SNCAIP: variants seen among roughly 807,000 people sequenced by gnomAD.
The protein encoded by SNCAIP is synphilin-1.
In SNCAIP, 43 loss-of-function variants were observed where a neutral mutation model predicts 86.7. That is an observed-to-expected ratio of 0.50 (90% confidence interval 0.39 to 0.64). The LOEUF (loss-of-function observed/expected upper bound fraction) is 0.64, where lower values mean the gene tolerates loss of function less well. Ranked by LOEUF, SNCAIP falls within the 30% of genes least tolerant of loss-of-function variation. The probability of loss-of-function intolerance (pLI) is 0.00; values close to 1 mark genes in which losing one functional copy is unlikely to be tolerated. For synonymous variants in SNCAIP, 417 were observed against 427.2 expected, an observed-to-expected ratio of 0.98 and a Z score of 0.29; for missense variants, 981 against 1,103.1, an observed-to-expected ratio of 0.89 and a Z score of 1.57.
intron 1 of SNCAIP, among the ~76,000 whole-genome samples, chr5:122,351,561 AAAAAAGAAC>A (rs1429911648): frequency 6.7e-6 from 1 of 149,662 alleles, no homozygotes; most frequent in Non-Finnish European, 1.5e-5. Context: ...AAAAAAAAAA[AAAAAAGAAC>A]TAATTAAAGA....
At chr5:122,409,557 T>C (rs1773700331) in intron 3 of SNCAIP, among the ~76,000 whole-genome samples, 1 of 152,220 alleles carries the variant, frequency 6.6e-6, no homozygotes, top group South Asian at 2.1e-4. Context: ...CTAAATAATA[T>C]AAAGTGTTAC....
chr5:122,359,224 C>T (rs950261787), intron 1 of SNCAIP, among the ~76,000 whole-genome samples: 5 of 151,804 alleles, frequency 3.3e-5, no homozygotes, highest in African/African-American at 1.2e-4. Flanking sequence ...AAATCATGTT[C>T]TGAAGTGTAG....
Position 122,450,846 on chromosome 5 carries a change from C to G in SNCAIP, c.1999C>G (p.Leu667Val), listed in dbSNP as rs1451402171. 6.2e-7 allele frequency: 1 copy of G among 1,614,106 alleles called. No homozygotes were observed. Among genetic ancestry groups the G allele is most frequent in the Admixed American group, 1.7e-5 (1 of 60,026 alleles). ...GAAGAGGGAACTGAAGTTAGCCAGG[C>G]TGAGACAGCTGATGCAGAGGTCACT... The part of the protein sequence containing the change: ...LEKRELKLAR[L>V]RQLMQRSLSE... Residue 667 changes from leucine (L) to valine (V), a missense_variant, in exon 10 of 11, where the codon CTG becomes GTG. By Grantham distance (32) the Leu-to-Val change is conservative (BLOSUM62 1). Coordinates refer to ENST00000261368, the MANE Select transcript of SNCAIP (RefSeq NM_005460.4).
At chr5:122,313,972 C>T (rs1220502255) in intron 1 of SNCAIP, among the ~76,000 whole-genome samples, 5 of 152,122 alleles carry the variant, frequency 3.3e-5, no homozygotes, top group African/African-American at 4.8e-5. Flanking sequence ...TCATTTTCTC[C>T]GTAGCAAGCA....
intron 1 of SNCAIP, among the ~76,000 whole-genome samples, chr5:122,335,800 G>A (rs574080975): frequency 8.5e-5 from 13 of 152,308 alleles, no homozygotes; most frequent in African/African-American, 3.1e-4. Context: ...ATGCCATCCA[G>A]TTATTGAATG....
chr5:122,441,196 TA>T (rs1402981915), intron 7 of SNCAIP: 1 of 191,070 alleles, frequency 5.2e-6, no homozygotes, highest in Non-Finnish European at 1.1e-5. Context: ...ATTCTTTGTG[TA>T]GGGAGTTGTA....
chr5:122,451,617 AGAATATTC>A lies in SNCAIP; in HGVS notation c.2754+17_2754+24del. On this transcript the variant is annotated intron_variant, in intron 10 of 10. Transcript: ENST00000261368. ...GAATAAGGCAGTAAGTGCTATTTGGAGAATATTCTTTTTTTTCCTTCAAATGGATTATG... is the reference window on the plus strand; with the variant it reads ...GAATAAGGCAGTAAGTGCTATTTGGATTTTTTTTCCTTCAAATGGATTATG... 1 of 1,524,242 alleles carries A rather than the reference AGAATATTC, an allele frequency of 6.6e-7. No homozygotes were observed. The highest frequency in any genetic ancestry group is 9.1e-7 in the Non-Finnish European group (1 of 1,098,508). The allele number at this position is 1,524,242 out of a possible 1,614,324, so 94.4% of individuals were successfully genotyped here.
intron 6 of SNCAIP, among the ~76,000 whole-genome samples, chr5:122,434,019 T>C (rs1778915773): frequency 6.6e-6 from 1 of 152,138 alleles, no homozygotes; most frequent in African/African-American, 2.4e-5. Flanking sequence ...ATTTTCAACT[T>C]AGGATGGGTT....
chr5:122,424,017 C>A (rs1776902244), intron 4 of SNCAIP, among the ~76,000 whole-genome samples: 1 of 152,182 alleles, frequency 6.6e-6, no homozygotes, highest in Non-Finnish European at 1.5e-5. Context: ...CCGGCACTTT[C>A]TTTAACTTGA....
intron 2 of SNCAIP, among the ~76,000 whole-genome samples, chr5:122,398,625 G>T (rs888049210): frequency 6.6e-6 from 1 of 152,234 alleles, no homozygotes; most frequent in East Asian, 1.9e-4. Context: ...TGGTTGTTTG[G>T]ATGGCTGGCT....
intron 1 of SNCAIP, among the ~76,000 whole-genome samples, chr5:122,356,255 T>A (rs1760996902): frequency 6.6e-6 from 1 of 151,820 alleles, no homozygotes; most frequent in South Asian, 2.1e-4. Flanking sequence ...GCCTTCCAAG[T>A]AGCTGGGACC....
At chr5:122,438,801 CT>C (rs1292149611) in intron 6 of SNCAIP, among the ~76,000 whole-genome samples, 1 of 152,190 alleles carries the variant, frequency 6.6e-6, no homozygotes, top group African/African-American at 2.4e-5. Flanking sequence ...AATCTCTCCC[CT>C]CCACATGTTT....
At chr5:122,392,759 C>A (rs1212826649) in intron 2 of SNCAIP, among the ~76,000 whole-genome samples, 1 of 152,116 alleles carries the variant, frequency 6.6e-6, no homozygotes, top group East Asian at 1.9e-4. Flanking sequence ...GTTGTTGTGA[C>A]GATTGAGTAA....
At position 122,401,247 on chromosome 5, in the gene SNCAIP, G is replaced by T; in HGVS notation, c.58-2546G>T. 4 of 962,544 alleles carry T rather than the reference G, an allele frequency of 4.2e-6. No homozygotes were observed. The South Asian group carries it at 8.4e-5, about 20-fold the overall frequency. 59.6% of individuals were successfully genotyped at this position (962,544 alleles called of 1,614,324 possible). On this transcript the variant is annotated intron_variant, in intron 2 of 10. Coordinates refer to ENST00000261368, the MANE Select transcript of SNCAIP (RefSeq NM_005460.4). The stretch of plus-strand genomic sequence containing the variant: ...TAGCACAATGCATACTTGTAAGGGA[G>T]ACTTCTTGGATCATTTGCTCATTCC...
At chr5:122,419,972 C>A (rs1485781465) in intron 3 of SNCAIP, among the ~76,000 whole-genome samples, 1 of 152,122 alleles carries the variant, frequency 6.6e-6, no homozygotes, top group African/African-American at 2.4e-5. Context: ...GTATATAGCA[C>A]AAAGTTGCCC....
At chr5:122,406,271 C>G (rs964659790) in intron 3 of SNCAIP, among the ~76,000 whole-genome samples, 5 of 152,314 alleles carry the variant, frequency 3.3e-5, no homozygotes, top group African/African-American at 1.2e-4. Context: ...CCCTCCTCCC[C>G]CTGTCTTTCT....
intron 1 of SNCAIP, among the ~76,000 whole-genome samples, chr5:122,383,298 G>C (rs149403710): frequency 1.3e-5 from 2 of 152,166 alleles, no homozygotes; most frequent in Non-Finnish European, 2.9e-5. Flanking sequence ...GGAGTGACCC[G>C]ATTTTCCAGG....
chr5:122,384,317 T>C (rs573114895), intron 1 of SNCAIP, among the ~76,000 whole-genome samples: 29 of 152,242 alleles, frequency 1.9e-4, no homozygotes, highest in African/African-American at 6.7e-4. Context: ...AATTACAAAT[T>C]ATGGTGCATA....
chr5:122,434,131 C>T (rs1050829325), intron 6 of SNCAIP, among the ~76,000 whole-genome samples: 5 of 152,142 alleles, frequency 3.3e-5, no homozygotes, highest in African/African-American at 1.2e-4. Context: ...TGTTCATCTT[C>T]CTAATCATTT....
Sources: gnomAD v4.1 joint callset for allele counts (sites outside exome capture counted in the v4.1 genomes callset) on GRCh38, gnomAD v4.1.1 for gene constraint, MANE v1.5 for transcripts, NCBI Gene and HGNC (gene_info 2026-07-23, HGNC 2026-07-21) for gene names.